DCK: variants seen among roughly 807,000 people sequenced by gnomAD.
DCK encodes deoxyadenosine kinase.
Under a neutral mutation model 38.3 loss-of-function variants are expected in DCK, and 23 were observed. The ratio of observed to expected loss-of-function variants is 0.60; its 90% CI spans 0.43 to 0.85. The LOEUF is 0.85. Among genes scored for constraint, DCK ranks in the 40% least tolerant of loss-of-function variants. The pLI is 0.00. For missense variants in DCK, 259 were observed against 304.4 expected, an observed-to-expected ratio of 0.85 and a Z score of 1.11; for synonymous variants, 108 against 100.6, an observed-to-expected ratio of 1.07 and a Z score of -0.44.
chr4:71,007,233 TA>T (rs1476607606), intron 2 of DCK, among the ~76,000 whole-genome samples: 1 of 152,218 alleles, frequency 6.6e-6, no homozygotes, highest in Non-Finnish European at 1.5e-5. Flanking sequence ...AAGGCAAGGT[TA>T]GTCTACAGTA....
chr4:71,017,831 T>G, intron 2 of DCK, among the ~76,000 whole-genome samples: 1 of 149,466 alleles, frequency 6.7e-6, no homozygotes, highest in Admixed American at 6.6e-5. Flanking sequence ...CTAATGTAAA[T>G]GGCGAGTTAA....
chr4:71,030,476 A>G lies in DCK; in HGVS notation c.*1098A>G, dbSNP rs1231759934. On this transcript the variant is annotated 3_prime_UTR_variant, in exon 7 of 7. Transcript: ENST00000286648. ...GTTTTTGGTTTCTTATTCAAAGATG[A>G]TAATTTAGTGGATTAACCAGTCCAG... The G allele has an allele frequency of 6.6e-6, 1 of 152,158 alleles. No homozygotes were observed. Among genetic ancestry groups the G allele is most frequent in the Non-Finnish European group, 1.5e-5 (1 of 67,998 alleles). The allele number at this position is 152,158 out of a possible 1,614,324, so 9.4% of individuals were successfully genotyped here.
chr4:71,015,655 G>T (rs1458688555), intron 2 of DCK, among the ~76,000 whole-genome samples: 5 of 152,088 alleles, frequency 3.3e-5, no homozygotes, highest in African/African-American at 1.2e-4. Context: ...ACATAATCCA[G>T]CATATAAACA....
intron 2 of DCK, 84 bp from the exon 3 acceptor site, chr4:71,022,283 C>G (rs1047841653): frequency 2.8e-6 from 2 of 724,736 alleles, no homozygotes; most frequent in Admixed American, 6.0e-5. Flanking sequence ...ATTTATCTGA[C>G]TTTTATTTTT....
chr4:71,025,418 GT>G (rs891336108), intron 4 of DCK, among the ~76,000 whole-genome samples: 1 of 152,012 alleles, frequency 6.6e-6, no homozygotes, highest in Admixed American at 6.5e-5. Flanking sequence ...GTCTTTAGTG[GT>G]TTTATGTGAA....
intron 2 of DCK, among the ~76,000 whole-genome samples, chr4:71,001,482 T>G (rs1168119559): frequency 2.0e-5 from 3 of 152,174 alleles, no homozygotes; most frequent in African/African-American, 7.2e-5. Context: ...GGTTTTTGTA[T>G]TAGGGTGATG....
chr4:71,027,510 G>A (rs979007001), intron 6 of DCK, among the ~76,000 whole-genome samples: 1 of 152,066 alleles, frequency 6.6e-6, no homozygotes. Flanking sequence ...CTATACCCAT[G>A]TTGATAACTG....
chr4:71,005,137 C>T (rs1391809853), intron 2 of DCK, among the ~76,000 whole-genome samples: 4 of 152,152 alleles, frequency 2.6e-5, no homozygotes, highest in Admixed American at 6.5e-5. Flanking sequence ...TCCTGGTCTG[C>T]GGGTTGTGAA....
At chr4:71,007,384 C>G (rs1739971678) in intron 2 of DCK, among the ~76,000 whole-genome samples, 1 of 152,136 alleles carries the variant, frequency 6.6e-6, no homozygotes, top group South Asian at 2.1e-4. Flanking sequence ...AACCATTATC[C>G]AGGTCAAGAA....
At chr4:71,017,540 C>G (rs951480949) in intron 2 of DCK, among the ~76,000 whole-genome samples, 1 of 151,914 alleles carries the variant, frequency 6.6e-6, no homozygotes, top group African/African-American at 2.4e-5. Context: ...AGATGTCCAT[C>G]AGTAATAGAC....
intron 2 of DCK, among the ~76,000 whole-genome samples, chr4:71,019,490 G>C (rs894750487): frequency 6.6e-6 from 1 of 152,018 alleles, no homozygotes; most frequent in Admixed American, 6.6e-5. Context: ...CAGATCTCCA[G>C]AACTTTAGCC....
intron 2 of DCK, among the ~76,000 whole-genome samples, chr4:71,005,227 C>T (rs933486441): frequency 6.6e-6 from 1 of 151,848 alleles, no homozygotes; most frequent in African/African-American, 2.4e-5. Context: ...GGGAGTTCCC[C>T]CACCCCTTTC....
chr4:71,014,417 A>G (rs1388407384), intron 2 of DCK, among the ~76,000 whole-genome samples: 2 of 152,250 alleles, frequency 1.3e-5, no homozygotes, highest in Non-Finnish European at 1.5e-5. Context: ...TACCAAGCGG[A>G]CCTAAAAGAC....
intron 2 of DCK, among the ~76,000 whole-genome samples, chr4:71,017,721 T>C (rs922725284): frequency 2.2e-5 from 3 of 139,490 alleles, no homozygotes; most frequent in Admixed American, 8.0e-5. Context: ...TAGGTGGGAA[T>C]TGAACAATGA....
At chr4:71,020,904 T>A (rs1740397221) in intron 2 of DCK, among the ~76,000 whole-genome samples, 1 of 152,114 alleles carries the variant, frequency 6.6e-6, no homozygotes, top group Admixed American at 6.5e-5. Flanking sequence ...AGAATCAGAA[T>A]TCTAATTCCT....
At position 71,029,450 on chromosome 4, in the gene DCK, T is replaced by A; in HGVS notation, c.*72T>A. The A allele has an allele frequency of 9.0e-7, 1 of 1,109,266 alleles. No individual in the cohort carries two copies. Among genetic ancestry groups the A allele is most frequent in the Non-Finnish European group, 1.3e-6 (1 of 744,166 alleles). 68.7% of individuals were successfully genotyped at this position (1,109,266 alleles called of 1,614,324 possible). ...TTTGTGTATCTTCGTAACTTCATATTAATATAAGTTTCTTTAGAAAACCCA... is the reference window on the plus strand; with the variant it reads ...TTTGTGTATCTTCGTAACTTCATATAAATATAAGTTTCTTTAGAAAACCCA... On this transcript the variant is annotated 3_prime_UTR_variant, in exon 7 of 7. Transcript: ENST00000286648.
At chr4:71,025,266 A>C (rs1393310243) in intron 4 of DCK, among the ~76,000 whole-genome samples, 1 of 152,086 alleles carries the variant, frequency 6.6e-6, no homozygotes, top group Non-Finnish European at 1.5e-5. Context: ...TGGTCACCAC[A>C]CTAGCCATAT....
Position 71,022,414 on chromosome 4 carries a change from G to A in DCK, c.255G>A (p.Met85Ile), listed in dbSNP as rs201155691. 1.3e-6 allele frequency: 2 copies of A among 1,596,900 alleles called. No homozygotes were observed. Among genetic ancestry groups the A allele is most frequent in the Non-Finnish European group, 1.7e-6 (2 of 1,173,266 alleles). Residue 85 changes from methionine to isoleucine, a missense_variant, in exon 3 of 7, where the codon ATG becomes ATA. Physicochemically the swap from Met to Ile is conservative, Grantham distance 10 (BLOSUM62 1). This residue lies in a region of DCK where 159 missense variants were observed against 159.0 expected (regional missense o/e 1.00). Coordinates refer to ENST00000286648, the MANE Select transcript of DCK (RefSeq NM_000788.3). ...QKNGGNVLQM[M>I]YEKPERWSFT... ...ATGGTGGGAATGTTCTTCAGATGAT[G>A]TATGAGAAACCTGAACGATGGTCTT...
At chr4:71,023,979 C>G (rs1476135776) in intron 4 of DCK, among the ~76,000 whole-genome samples, 1 of 152,086 alleles carries the variant, frequency 6.6e-6, no homozygotes, top group African/African-American at 2.4e-5. Flanking sequence ...CATTTGCAGA[C>G]TCTTCTCATT....
Sources: gnomAD v4.1 joint callset for allele counts (sites outside exome capture counted in the v4.1 genomes callset) on GRCh38, gnomAD v4.1.1 for gene constraint, gnomAD v4.1.1 regional missense constraint, MANE v1.5 for transcripts, NCBI Gene and HGNC (gene_info 2026-07-23, HGNC 2026-07-21) for gene names.